The following JPH3 variants were observed in gnomAD, a reference collection of about 807,000 sequenced individuals.
The protein encoded by JPH3 is junctophilin 3.
A neutral mutation model predicts 59.6 loss-of-function variants in JPH3; 11 were observed. The observed-to-expected ratio is 0.18, with a 90% CI of 0.12 to 0.31. The LOEUF (loss-of-function observed/expected upper bound fraction) is 0.31, where lower values mean the gene tolerates loss of function less well. Among genes scored for constraint, JPH3 ranks in the 10% least tolerant of loss-of-function variants. The pLI is 1.00. For synonymous variants in JPH3, 673 were observed against 483.6 expected, an observed-to-expected ratio of 1.39 and a Z score of -5.14; for missense variants, 1,202 against 1,105.7, an observed-to-expected ratio of 1.09 and a Z score of -1.24.
chr16:87,644,789 G>T lies in JPH3; in HGVS notation c.914G>T (p.Arg305Leu), dbSNP rs780773717. 1.2e-6 allele frequency: 2 copies of T among 1,613,202 alleles called. No homozygotes were observed. Among genetic ancestry groups the T allele is most frequent in the South Asian group, 2.2e-5 (2 of 91,070 alleles). Reference sequence around the variant, plus strand: ...CGCTCCGGCTTCGGCGTGAGCCAGCGCTCGGACGGGCTCAAGTACGAGGGC... The same window carrying T: ...CGCTCCGGCTTCGGCGTGAGCCAGCTCTCGGACGGGCTCAAGTACGAGGGC... ...DKRSGFGVSQ[R>L]SDGLKYEGEW... Residue 305 changes from arginine to leucine, a missense_variant, in exon 2 of 5, where the codon CGC becomes CTC. Coordinates refer to ENST00000284262, the MANE Select transcript of JPH3 (RefSeq NM_020655.4).
intron 4 of JPH3, chr16:87,696,368 G>T (rs8053782): frequency 0.012 from 7,221 of 592,320 alleles, 389 homozygotes; most frequent in African/African-American, 0.12. Flanking sequence ...AACCTCAGAC[G>T]TACAGGCAGC....
chr16:87,635,989 A>G (rs2031731340), intron 1 of JPH3, among the ~76,000 whole-genome samples: 1 of 152,222 alleles, frequency 6.6e-6, no homozygotes, highest in Admixed American at 6.5e-5. Flanking sequence ...TGGAGCAGAC[A>G]GGACATTATC....
chr16:87,640,174 A>C (rs983103928), intron 1 of JPH3, among the ~76,000 whole-genome samples: 1 of 151,834 alleles, frequency 6.6e-6, no homozygotes, highest in African/African-American at 2.4e-5. Context: ...TAAAAACAGA[A>C]AAAAATTAGC....
intron 2 of JPH3, among the ~76,000 whole-genome samples, chr16:87,677,219 CACACACA>C (rs1182905728): frequency 5.0e-5 from 6 of 120,916 alleles, no homozygotes; most frequent in Admixed American, 8.6e-5. Context: ...CACACACACA[CACACACA>C]AAAAAAAAAA....
At chr16:87,680,120 C>A (rs539360931) in intron 2 of JPH3, among the ~76,000 whole-genome samples, 4 of 152,386 alleles carry the variant, frequency 2.6e-5, no homozygotes, top group Admixed American at 2.0e-4. Flanking sequence ...GGCAATGACA[C>A]CTGAGGAGGA....
At chr16:87,681,714 G>T (rs1036365282) in intron 2 of JPH3, among the ~76,000 whole-genome samples, 1 of 152,140 alleles carries the variant, frequency 6.6e-6, no homozygotes, top group African/African-American at 2.4e-5. Context: ...GTTCCGGAAG[G>T]TCAAGTGCAT....
Position 87,603,371 on chromosome 16 carries a change from G to A in JPH3, c.225G>A (p.Leu75=). The A allele has an allele frequency of 6.2e-7, 1 of 1,609,658 alleles. No individual in the cohort carries two copies. Among genetic ancestry groups the A allele is most frequent in the East Asian group, 2.2e-5 (1 of 44,632 alleles). Residue 75 remains leucine (L), a synonymous_variant, in exon 1 of 5, where the codon CTG becomes CTA. Coordinates refer to ENST00000284262, the MANE Select transcript of JPH3 (RefSeq NM_020655.4). Reference sequence around the variant, plus strand: ...AGGGCAAGCGCCACGGCATCGGCCTGGAGAGCAAGGGGAAGTGGGTGTACA... The same window carrying A: ...AGGGCAAGCGCCACGGCATCGGCCTAGAGAGCAAGGGGAAGTGGGTGTACA... The part of the protein sequence containing the change: ...WAQGKRHGIG[L]ESKGKWVYKG...
At chr16:87,607,419 C>A (rs773896307) in intron 1 of JPH3, among the ~76,000 whole-genome samples, 1 of 152,252 alleles carries the variant, frequency 6.6e-6, no homozygotes, top group Non-Finnish European at 1.5e-5. Flanking sequence ...CACCCACAGT[C>A]GGAATTCAGA....
chr16:87,659,939 G>A (rs973647212), intron 2 of JPH3, among the ~76,000 whole-genome samples: 9 of 152,132 alleles, frequency 5.9e-5, no homozygotes, highest in Non-Finnish European at 8.8e-5. Context: ...TCTGGAGAGG[G>A]ATAGCATGGC....
chr16:87,652,001 G>C (rs1468575129), intron 2 of JPH3, among the ~76,000 whole-genome samples: 1 of 151,718 alleles, frequency 6.6e-6, no homozygotes, highest in Non-Finnish European at 1.5e-5. Flanking sequence ...TTGAGATGGA[G>C]TCTCGCTCTG....
intron 2 of JPH3, among the ~76,000 whole-genome samples, chr16:87,650,204 G>A (rs979810021): frequency 6.6e-6 from 1 of 152,184 alleles, no homozygotes; most frequent in Admixed American, 6.5e-5. Context: ...TAATTCTCAC[G>A]GTATTTCAAG....
chr16:87,640,341 T>G (rs1316510887), intron 1 of JPH3, among the ~76,000 whole-genome samples: 10 of 147,910 alleles, frequency 6.8e-5, no homozygotes, highest in Middle Eastern at 3.5e-3. Flanking sequence ...AAAAAAAGGG[T>G]TGTCCGGTTA....
intron 2 of JPH3, among the ~76,000 whole-genome samples, chr16:87,667,671 A>G (rs1327701205): frequency 1.3e-5 from 2 of 152,158 alleles, no homozygotes; most frequent in African/African-American, 4.8e-5. Context: ...GGCCTTGAAG[A>G]TGAAGGGGTT....
chr16:87,655,468 C>T (rs1360685532), intron 2 of JPH3, among the ~76,000 whole-genome samples: 1 of 152,206 alleles, frequency 6.6e-6, no homozygotes. Context: ...ATCCTCCCAC[C>T]TCAGCCTCCT....
At chr16:87,683,001 G>A (rs1244176165) in intron 2 of JPH3, among the ~76,000 whole-genome samples, 2 of 152,270 alleles carry the variant, frequency 1.3e-5, no homozygotes, top group African/African-American at 2.4e-5. Context: ...CACAGTCAGG[G>A]AGCGGCCAGA....
chr16:87,634,031 A>G (rs142503118), intron 1 of JPH3, among the ~76,000 whole-genome samples: 1 of 152,272 alleles, frequency 6.6e-6, no homozygotes, highest in East Asian at 1.9e-4. Flanking sequence ...CTTGTAATTT[A>G]TGTGCTTGTG....
intron 1 of JPH3, among the ~76,000 whole-genome samples, chr16:87,632,390 C>T (rs1210585181): frequency 6.6e-6 from 1 of 152,152 alleles, no homozygotes; most frequent in East Asian, 1.9e-4. Context: ...AGAAAACTCT[C>T]TTCCTTTCAT....
intron 2 of JPH3, among the ~76,000 whole-genome samples, chr16:87,650,454 C>T (rs927729458): frequency 6.6e-6 from 1 of 152,176 alleles, no homozygotes; most frequent in African/African-American, 2.4e-5. Flanking sequence ...CTCCAATGGT[C>T]TCTAAGTGTT....
At position 87,611,799 on chromosome 16, in the gene JPH3, C is replaced by T. The variant is rs2030740870; in HGVS notation, c.382+8271C>T. Reference sequence around the variant, plus strand: ...TTACAAATTTCAGGCGATGCTGAGGCTGCTGATCTGGGGACCTCACATTAA... The same window carrying T: ...TTACAAATTTCAGGCGATGCTGAGGTTGCTGATCTGGGGACCTCACATTAA... On this transcript the variant is annotated intron_variant, in intron 1 of 4. Coordinates refer to ENST00000284262, the MANE Select transcript of JPH3 (RefSeq NM_020655.4). The surrounding 1 kb of genome is among the most constrained non-coding windows in gnomAD (Gnocchi z 4.5). 1.3e-5 allele frequency among the ~76,000 whole-genome samples: 2 copies of T among 152,234 alleles called. No homozygotes were observed. The highest frequency in any genetic ancestry group is 4.8e-5 in the African/African-American group (2 of 41,466).
Sources: gnomAD v4.1 joint callset for allele counts (sites outside exome capture counted in the v4.1 genomes callset) on GRCh38, gnomAD v4.1.1 for gene constraint, Gnocchi (gnomAD v3.1) non-coding constraint, MANE v1.5 for transcripts, NCBI Gene and HGNC (gene_info 2026-07-23, HGNC 2026-07-21) for gene names.